Variants in NELL1 observed in about 807,000 individuals in gnomAD.
NELL1 encodes the protein neural EGFL like 1.
A neutral mutation model predicts 107.4 loss-of-function variants in NELL1; 76 were observed. The ratio of observed to expected loss-of-function variants is 0.71; its 90% CI spans 0.59 to 0.86. The LOEUF (loss-of-function observed/expected upper bound fraction) is 0.86. Ranked by LOEUF, NELL1 falls within the 40% of genes least tolerant of loss-of-function variation. The probability of loss-of-function intolerance (pLI) is 0.00; values close to 1 mark genes in which losing one functional copy is unlikely to be tolerated. For synonymous variants in NELL1, 353 were observed against 341.2 expected (o/e 1.03, Z -0.38); for missense variants, 1,024 against 1,005.5 (o/e 1.02, Z -0.25).
chr11:21,094,264 G>T (rs942436935), intron 12 of NELL1, among the ~76,000 whole-genome samples: 3 of 152,226 alleles, frequency 2.0e-5, no homozygotes, highest in African/African-American at 7.2e-5. Context: ...AGGTCATGCA[G>T]ATGAAAGAGG....
chr11:21,337,730 TCTTTC>T (rs1311253667), intron 14 of NELL1, among the ~76,000 whole-genome samples: 2 of 151,476 alleles, frequency 1.3e-5, no homozygotes, highest in Admixed American at 6.6e-5. Context: ...TTCTTTTCTT[TCTTTC>T]CTTTCTTTCT....
chr11:20,936,996 A>G (rs559488938), intron 9 of NELL1, among the ~76,000 whole-genome samples: 1 of 150,920 alleles, frequency 6.6e-6, no homozygotes, highest in East Asian at 2.1e-4. Context: ...GGGAGTGACC[A>G]GATACTTGCT....
intron 12 of NELL1, 94 bp downstream of exon 12, chr11:20,960,654 C>T (rs1211906873): frequency 1.4e-6 from 2 of 1,406,772 alleles, no homozygotes; most frequent in African/African-American, 1.4e-5. Context: ...TATCACTTGG[C>T]TGTGGTCCTA....
At chr11:20,808,828 T>G (rs1857440050) in intron 3 of NELL1, among the ~76,000 whole-genome samples, 1 of 152,190 alleles carries the variant, frequency 6.6e-6, no homozygotes, top group Admixed American at 6.5e-5. Context: ...CTCTCCTTAG[T>G]GCACAGATTC....
intron 15 of NELL1, among the ~76,000 whole-genome samples, chr11:21,510,506 T>C (rs1161739939): frequency 6.6e-6 from 1 of 152,100 alleles, no homozygotes; most frequent in African/African-American, 2.4e-5. Context: ...AAAATAAACA[T>C]TTGTTGAGAG....
rs41329946 is a variant in NELL1, at chr11:20,995,947, C to T, written c.1300+35387C>T. ...AAGAAGGCAAGGGCTGAAGAATGAA[C>T]GAGATTTGGATTAAAGGACAAAAGA... On this transcript the variant is annotated intron_variant, in intron 12 of 19. Coordinates refer to ENST00000357134, the MANE Select transcript of NELL1 (RefSeq NM_006157.5). 1.0e-2 allele frequency among the ~76,000 whole-genome samples: 1,521 copies of T among 152,220 alleles called. 22 individuals carry two copies. Among genetic ancestry groups the T allele is most frequent in the African/African-American group, 0.035 (1,445 of 41,526 alleles).
chr11:21,335,883 A>G (rs773727940), intron 14 of NELL1, among the ~76,000 whole-genome samples: 1 of 152,076 alleles, frequency 6.6e-6, no homozygotes, highest in Non-Finnish European at 1.5e-5. Context: ...GACAGAGGCA[A>G]TAGACACCAA....
At chr11:21,211,540 A>G (rs1008738667) in intron 13 of NELL1, among the ~76,000 whole-genome samples, 1 of 152,182 alleles carries the variant, frequency 6.6e-6, no homozygotes, top group Admixed American at 6.6e-5. Context: ...TTGAATTCCT[A>G]AAAGATTGCT....
At chr11:20,701,900 T>G (rs1272927742) in intron 2 of NELL1, among the ~76,000 whole-genome samples, 2 of 152,206 alleles carry the variant, frequency 1.3e-5, no homozygotes. Flanking sequence ...CATGCTGTTT[T>G]GGTTACTGTA....
At chr11:21,398,953 C>A (rs1441930175) in intron 15 of NELL1, among the ~76,000 whole-genome samples, 1 of 151,498 alleles carries the variant, frequency 6.6e-6, no homozygotes, top group Non-Finnish European at 1.5e-5. Context: ...TCCAGTTATT[C>A]AGTGGCAGTT....
chr11:21,290,586 C>G (rs190742303), intron 14 of NELL1, among the ~76,000 whole-genome samples: 5 of 152,174 alleles, frequency 3.3e-5, no homozygotes, highest in Non-Finnish European at 5.9e-5. Flanking sequence ...ACACCTCATA[C>G]AGGAAAGCTC....
intron 2 of NELL1, among the ~76,000 whole-genome samples, chr11:20,709,075 C>T (rs1855046835): frequency 6.6e-6 from 1 of 152,090 alleles, no homozygotes; most frequent in African/African-American, 2.4e-5. Context: ...CTTTACTGCT[C>T]ACCTGCTGCT....
intron 14 of NELL1, among the ~76,000 whole-genome samples, chr11:21,261,098 A>G (rs1408007992): frequency 1.3e-5 from 2 of 151,806 alleles, no homozygotes; most frequent in African/African-American, 2.4e-5. Context: ...AATCATTGCT[A>G]CTTAGAATGT....
chr11:21,319,893 T>G (rs1367625860), intron 14 of NELL1, among the ~76,000 whole-genome samples: 1 of 152,062 alleles, frequency 6.6e-6, no homozygotes, highest in Non-Finnish European at 1.5e-5. Flanking sequence ...CTTTAGACTC[T>G]AAACTCCATG....
chr11:20,946,491 G>T (rs893956058), intron 10 of NELL1, among the ~76,000 whole-genome samples: 1 of 152,168 alleles, frequency 6.6e-6, no homozygotes, highest in Admixed American at 6.5e-5. Flanking sequence ...AGGTCATAAA[G>T]ATTCACCTTC....
intron 3 of NELL1, among the ~76,000 whole-genome samples, chr11:20,784,398 T>G (rs1299224611): frequency 1.3e-5 from 2 of 152,160 alleles, no homozygotes; most frequent in Non-Finnish European, 2.9e-5. Flanking sequence ...ATGTGAGTAT[T>G]CTACATGCTG....
At chr11:21,309,023 T>C (rs1452476615) in intron 14 of NELL1, among the ~76,000 whole-genome samples, 1 of 151,782 alleles carries the variant, frequency 6.6e-6, no homozygotes, top group African/African-American at 2.4e-5. Context: ...GAAACACTTA[T>C]TTGAGCCAGA....
At chr11:20,960,405 A>C in intron 11 of NELL1, 27 bp from the exon 12 acceptor site, 1 of 1,609,732 alleles carries the variant, frequency 6.2e-7, no homozygotes, top group Non-Finnish European at 8.5e-7. Context: ...TCCTTTTCTG[A>C]TGTACGTTTT....
At chr11:21,301,854 A>T (rs531110097) in intron 14 of NELL1, among the ~76,000 whole-genome samples, 2 of 152,018 alleles carry the variant, frequency 1.3e-5, no homozygotes, top group Non-Finnish European at 2.9e-5. Flanking sequence ...GATTTGGGGG[A>T]TATTTAATAA....
Sources: allele counts gnomAD v4.1 joint callset (sites outside exome capture counted in the v4.1 genomes callset), GRCh38; gene constraint gnomAD v4.1.1; transcripts MANE v1.5; gene names NCBI Gene and HGNC (gene_info 2026-07-23, HGNC 2026-07-21).